The following ADGRL2 variants were observed in gnomAD, a reference collection of about 807,000 sequenced individuals.
The protein encoded by ADGRL2 is adhesion G protein-coupled receptor L2.
ADGRL2 carries 44 observed loss-of-function variants against 157.4 expected under a neutral mutation model. The observed-to-expected ratio is 0.28, with a 90% CI of 0.22 to 0.36. The LOEUF (loss-of-function observed/expected upper bound fraction) is 0.36. Ranked by LOEUF, ADGRL2 falls within the 10% of genes least tolerant of loss-of-function variation. The pLI, the probability that ADGRL2 is intolerant of heterozygous loss-of-function variation, is 1.00. For missense variants in ADGRL2, 1,510 were observed against 1,768.9 expected (o/e 0.85, Z 2.63); for synonymous variants, 585 against 624.7 (o/e 0.94, Z 0.95).
intron 3 of ADGRL2, among the ~76,000 whole-genome samples, chr1:81,616,034 C>T (rs2081638807): frequency 6.6e-6 from 1 of 151,700 alleles, no homozygotes; most frequent in African/African-American, 2.4e-5. Context: ...TCAAGCCTCA[C>T]CCTTCCCCAC....
intron 1 of ADGRL2, among the ~76,000 whole-genome samples, chr1:81,338,364 AAAAAC>A (rs1292588468): frequency 6.6e-6 from 1 of 151,770 alleles, no homozygotes; most frequent in Non-Finnish European, 1.5e-5. Context: ...CTGTGACTCA[AAAAAC>A]AAAACAAAAC....
At chr1:81,341,279 C>T (rs1304659834) in intron 1 of ADGRL2, among the ~76,000 whole-genome samples, 2 of 151,674 alleles carry the variant, frequency 1.3e-5, no homozygotes, top group African/African-American at 4.8e-5. Flanking sequence ...TTTTGAAAGG[C>T]CATGGAACTA....
chr1:81,340,158 T>A (rs1288683291), intron 1 of ADGRL2, among the ~76,000 whole-genome samples: 2 of 152,214 alleles, frequency 1.3e-5, no homozygotes, highest in African/African-American at 4.8e-5. Flanking sequence ...ATTGGGAAGC[T>A]ATGTGTTAAC....
intron 1 of ADGRL2, among the ~76,000 whole-genome samples, chr1:81,439,229 G>C (rs1403212812): frequency 6.6e-6 from 1 of 152,106 alleles, no homozygotes. Flanking sequence ...TTCATCTGTA[G>C]GGTTTCTATC....
intron 1 of ADGRL2, among the ~76,000 whole-genome samples, chr1:81,340,457 G>T (rs1231587940): frequency 6.6e-6 from 1 of 152,062 alleles, no homozygotes; most frequent in East Asian, 1.9e-4. Context: ...TACTAGGGTA[G>T]CAGGGTCATC....
At position 81,943,895 on chromosome 1, in the gene ADGRL2, G is replaced by A. The variant is rs1453997595; in HGVS notation, c.1210+126G>A. The A allele has an allele frequency of 5.7e-6, 4 of 707,574 alleles. No individual in the cohort carries two copies. Among genetic ancestry groups the A allele is most frequent in the African/African-American group, 1.8e-5 (1 of 55,540 alleles). 43.8% of individuals were successfully genotyped at this position (707,574 alleles called of 1,614,324 possible). Reference sequence around the variant, plus strand: ...TAGTTAAAGGACAAAGGACAATGTTGTGGTACATTTTAGCCTTATTATGGT... The same window carrying A: ...TAGTTAAAGGACAAAGGACAATGTTATGGTACATTTTAGCCTTATTATGGT... On this transcript the variant is annotated intron_variant, in intron 6 of 23. Coordinates refer to ENST00000686636, the MANE Select transcript of ADGRL2 (RefSeq NM_001366006.2). The surrounding 1 kb of genome is among the most constrained non-coding windows in gnomAD (Gnocchi z 5.6).
chr1:81,510,663 G>T (rs762678252), intron 2 of ADGRL2, among the ~76,000 whole-genome samples: 5 of 152,190 alleles, frequency 3.3e-5, no homozygotes, highest in Non-Finnish European at 5.9e-5. Context: ...AGTGAAAACT[G>T]GGAGCTGCTT....
intron 3 of ADGRL2, among the ~76,000 whole-genome samples, chr1:81,678,715 C>T (rs2148945250): frequency 6.6e-6 from 1 of 152,288 alleles, no homozygotes; most frequent in East Asian, 1.9e-4. Flanking sequence ...TATCTTGTCT[C>T]CCCTTCTATT....
chr1:81,922,554 A>G (rs925392360), intron 3 of ADGRL2, among the ~76,000 whole-genome samples: 1 of 152,232 alleles, frequency 6.6e-6, no homozygotes, highest in Non-Finnish European at 1.5e-5. Flanking sequence ...AGAGTAAGGT[A>G]CAGTTTGATA....
chr1:81,333,814 T>A (rs1427830609), intron 1 of ADGRL2, among the ~76,000 whole-genome samples: 1 of 151,508 alleles, frequency 6.6e-6, no homozygotes, highest in East Asian at 1.9e-4. Flanking sequence ...AAAGTTATAG[T>A]GTTCTGTGGG....
At chr1:81,883,575 A>G (rs576608269) in intron 2 of ADGRL2, among the ~76,000 whole-genome samples, 109 of 152,306 alleles carry the variant, frequency 7.2e-4, no homozygotes, top group Non-Finnish European at 1.2e-3. Context: ...ATTTCATACC[A>G]TGAGATTTTT....
At chr1:81,466,667 TCTCA>T (rs1410029979) in intron 2 of ADGRL2, among the ~76,000 whole-genome samples, 3 of 70,806 alleles carry the variant, frequency 4.2e-5, no homozygotes, top group Admixed American at 2.0e-4. Context: ...CATCTCTCTC[TCTCA>T]CGCGCGCGCA....
At chr1:81,873,221 A>T (rs977327664) in intron 2 of ADGRL2, among the ~76,000 whole-genome samples, 1 of 152,054 alleles carries the variant, frequency 6.6e-6, no homozygotes, top group Non-Finnish European at 1.5e-5. Flanking sequence ...TATAAATGAA[A>T]CTGAAAATCT....
intron 2 of ADGRL2, among the ~76,000 whole-genome samples, chr1:81,479,315 A>G (rs1256124392): frequency 1.3e-5 from 2 of 150,320 alleles, no homozygotes; most frequent in African/African-American, 2.5e-5. Flanking sequence ...TCTACTAAAA[A>G]TACAAAAAAA....
intron 2 of ADGRL2, among the ~76,000 whole-genome samples, chr1:81,496,865 T>C (rs1399817521): frequency 6.6e-6 from 1 of 152,172 alleles, no homozygotes; most frequent in African/African-American, 2.4e-5. Context: ...GGGAAACAAC[T>C]GTTTAACACA....
intron 2 of ADGRL2, among the ~76,000 whole-genome samples, chr1:81,555,418 G>A (rs1165145467): frequency 6.6e-5 from 10 of 151,752 alleles, no homozygotes; most frequent in East Asian, 2.0e-4. Flanking sequence ...ACAGGCACCC[G>A]CCACCATATC....
intron 3 of ADGRL2, among the ~76,000 whole-genome samples, chr1:81,600,416 C>T (rs2081313073): frequency 6.6e-6 from 1 of 152,186 alleles, no homozygotes; most frequent in Non-Finnish European, 1.5e-5. Context: ...CCAGCATAGA[C>T]AAGAAGGGGC....
chr1:81,308,236 AATTTATCTATTTGAGCCATGT>A (rs1173551272), intron 1 of ADGRL2, among the ~76,000 whole-genome samples: 1 of 152,172 alleles, frequency 6.6e-6, no homozygotes, highest in Non-Finnish European at 1.5e-5. Context: ...GGGCTAATTG[AATTTATCTATTTGAGCCATGT>A]AGTTGTCCGT....
intron 2 of ADGRL2, among the ~76,000 whole-genome samples, chr1:81,849,317 G>T (rs911928119): frequency 6.6e-6 from 1 of 151,824 alleles, no homozygotes; most frequent in African/African-American, 2.4e-5. Flanking sequence ...CAGCCTAGAA[G>T]AACAAAGCAT....
Sources: allele counts gnomAD v4.1 joint callset (sites outside exome capture counted in the v4.1 genomes callset), GRCh38; gene constraint gnomAD v4.1.1; non-coding constraint Gnocchi (gnomAD v3.1); transcripts MANE v1.5; gene names NCBI Gene and HGNC (gene_info 2026-07-23, HGNC 2026-07-21).